Variants in CELF4 observed in about 807,000 individuals in gnomAD.
CELF4 encodes CUG-BP- and ETR-3-like factor 4.
In CELF4, 18 loss-of-function variants were observed where a neutral mutation model predicts 59.9. The ratio of observed to expected loss-of-function variants is 0.30; its 90% CI spans 0.21 to 0.45. The LOEUF is 0.45. Among genes scored for constraint, CELF4 ranks in the 20% least tolerant of loss-of-function variants. The pLI, the probability that CELF4 is intolerant of heterozygous loss-of-function variation, is 1.00. For missense variants in CELF4, 456 were observed against 689.0 expected (o/e 0.66, Z 3.79); for synonymous variants, 261 against 267.1 (o/e 0.98, Z 0.22).
chr18:37,485,655 G>A (rs1160906389), intron 1 of CELF4, 48 bp from the exon 2 acceptor site: 1 of 1,246,410 alleles, frequency 8.0e-7, no homozygotes, highest in Non-Finnish European at 1.0e-6. Flanking sequence ...GCGCCCCCGG[G>A]CCCGCCGACG....
intron 1 of CELF4, among the ~76,000 whole-genome samples, chr18:37,533,597 C>T (rs2099971192): frequency 6.6e-6 from 1 of 152,114 alleles, no homozygotes; most frequent in Non-Finnish European, 1.5e-5. Context: ...CTAAAAGGAT[C>T]CCTTATAAGG....
intron 1 of CELF4, among the ~76,000 whole-genome samples, chr18:37,518,651 A>G (rs927548160): frequency 2.0e-5 from 3 of 151,926 alleles, no homozygotes; most frequent in African/African-American, 7.3e-5. Context: ...CCTGAAGAGC[A>G]CCCTCCCATC....
intron 2 of CELF4, among the ~76,000 whole-genome samples, chr18:37,442,649 A>C (rs948072142): frequency 1.3e-5 from 2 of 152,214 alleles, no homozygotes; most frequent in African/African-American, 4.8e-5. Context: ...TCCACCGGGC[A>C]CATTTCCAAT....
chr18:37,485,020 G>C (rs549155745), intron 2 of CELF4, among the ~76,000 whole-genome samples: 2 of 152,180 alleles, frequency 1.3e-5, no homozygotes, highest in Admixed American at 6.5e-5. Flanking sequence ...ATCACACCCA[G>C]TTAGGGGGGC....
chr18:37,488,105 A>T (rs1373137115), intron 1 of CELF4, among the ~76,000 whole-genome samples: 1 of 151,318 alleles, frequency 6.6e-6, no homozygotes, highest in Non-Finnish European at 1.5e-5. Context: ...CGGCACCCCC[A>T]CCCCACCTCT....
chr18:37,526,849 G>A (rs1489706645), intron 1 of CELF4, among the ~76,000 whole-genome samples: 1 of 146,070 alleles, frequency 6.8e-6, no homozygotes, highest in Admixed American at 6.9e-5. Flanking sequence ...GTGGGACCTT[G>A]GGTAAGTCAC....
chr18:37,326,605 G>A (rs1005448180), intron 2 of CELF4, among the ~76,000 whole-genome samples: 2 of 152,128 alleles, frequency 1.3e-5, no homozygotes, highest in African/African-American at 4.8e-5. Flanking sequence ...GCCTTCCCTG[G>A]GTCAGGAACA....
At chr18:37,409,440 G>T (rs994609178) in intron 2 of CELF4, among the ~76,000 whole-genome samples, 2 of 152,158 alleles carry the variant, frequency 1.3e-5, no homozygotes, top group African/African-American at 4.8e-5. Context: ...TGCAGAGGAG[G>T]TTGCTGTGTT....
At chr18:37,425,769 G>A (rs1396135819) in intron 2 of CELF4, among the ~76,000 whole-genome samples, 1 of 152,262 alleles carries the variant, frequency 6.6e-6, no homozygotes, top group African/African-American at 2.4e-5. Context: ...CAGCTGCTTG[G>A]CGAAAGCCCT....
At chr18:37,408,403 G>T (rs1050522140) in intron 2 of CELF4, among the ~76,000 whole-genome samples, 1 of 149,874 alleles carries the variant, frequency 6.7e-6, no homozygotes, top group African/African-American at 2.4e-5. Context: ...TTCCAGGAAC[G>T]TAAGAATCTG....
At chr18:37,273,415 G>A (rs2092247002) in intron 6 of CELF4, 1 of 1,233,096 alleles carries the variant, frequency 8.1e-7, no homozygotes. Context: ...TGTTGCTAGG[G>A]GCAGAGGAGG....
intron 1 of CELF4, among the ~76,000 whole-genome samples, chr18:37,562,764 T>C (rs902261939): frequency 1.3e-5 from 2 of 152,212 alleles, no homozygotes; most frequent in Admixed American, 6.5e-5. Context: ...TAGGACTGAA[T>C]AAACCAGACC....
intron 1 of CELF4, among the ~76,000 whole-genome samples, chr18:37,559,652 A>G (rs970427898): frequency 3.3e-5 from 5 of 152,078 alleles, no homozygotes; most frequent in Admixed American, 1.3e-4. Flanking sequence ...TCCTGATGAC[A>G]TGGAAGGTGT....
At position 37,246,773 on chromosome 18, in the gene CELF4, GA is replaced by G. The variant is rs1356599552; in HGVS notation, c.*45-1577del. The G allele has an allele frequency of 6.6e-6, 1 of 151,966 alleles. No individual in the cohort carries two copies. The highest frequency in any genetic ancestry group is 2.1e-4 in the South Asian group (1 of 4,822). The allele number at this position is 151,966 out of a possible 1,614,324, so 9.4% of individuals were successfully genotyped here. ...TTTAAGATGTTTTCCTTATTTTTAAGAAAAAAATAATGGTTTGCACAGGTAA... is the reference window on the plus strand; with the variant it reads ...TTTAAGATGTTTTCCTTATTTTTAAGAAAAAATAATGGTTTGCACAGGTAA... On this transcript the variant is annotated intron_variant, in intron 12 of 12. Transcript: ENST00000420428. The surrounding 1 kb of genome is among the most constrained non-coding windows in gnomAD (Gnocchi z 5.3).
At chr18:37,563,567 GA>G (rs2099987206) in intron 1 of CELF4, among the ~76,000 whole-genome samples, 1 of 152,076 alleles carries the variant, frequency 6.6e-6, no homozygotes, top group Non-Finnish European at 1.5e-5. Flanking sequence ...GTTGACTTGA[GA>G]GGGAGGGGGG....
intron 2 of CELF4, among the ~76,000 whole-genome samples, chr18:37,370,733 G>A (rs1407987877): frequency 3.3e-5 from 5 of 152,172 alleles, no homozygotes; most frequent in Admixed American, 1.3e-4. Flanking sequence ...GACCCTTTTC[G>A]CAGTTGGCCC....
intron 2 of CELF4, among the ~76,000 whole-genome samples, chr18:37,442,829 A>T (rs1366533236): frequency 6.6e-6 from 1 of 152,192 alleles, no homozygotes; most frequent in Non-Finnish European, 1.5e-5. Flanking sequence ...TCTAAGGAAC[A>T]TCTGGGCAGG....
intron 2 of CELF4, among the ~76,000 whole-genome samples, chr18:37,330,794 G>A (rs939279972): frequency 6.6e-6 from 1 of 152,082 alleles, no homozygotes; most frequent in Admixed American, 6.5e-5. Flanking sequence ...GGTCACCACC[G>A]GACAGTCTTG....
chr18:37,539,452 CACACACACACACACACACAA>C (rs1273372871), intron 1 of CELF4, among the ~76,000 whole-genome samples: 1 of 116,748 alleles, frequency 8.6e-6, no homozygotes, highest in East Asian at 3.1e-4. Flanking sequence ...CTCTAAGACA[CACACACACACACACACACAA>C]ACACACACAC....
Sources: allele counts gnomAD v4.1 joint callset (sites outside exome capture counted in the v4.1 genomes callset), GRCh38; gene constraint gnomAD v4.1.1; non-coding constraint Gnocchi (gnomAD v3.1); transcripts MANE v1.5; gene names NCBI Gene and HGNC (gene_info 2026-07-23, HGNC 2026-07-21).